The following FGF12 variants were observed in gnomAD, a reference collection of about 807,000 sequenced individuals.
FGF12 encodes the protein fibroblast growth factor 12.
A neutral mutation model predicts 23.6 loss-of-function variants in FGF12; 14 were observed. The observed-to-expected ratio is 0.59, with a 90% confidence interval of 0.39 to 0.93. The LOEUF is 0.93. Among genes scored for constraint, FGF12 ranks in the 40% least tolerant of loss-of-function variants. The pLI, the probability that FGF12 is intolerant of heterozygous loss-of-function variation, is 0.00. For missense variants in FGF12, 175 were observed against 217.8 expected (o/e 0.80, Z 1.24); for synonymous variants, 62 against 77.3 (o/e 0.80, Z 1.04).
chr3:192,335,301 C>T, intron 4 of FGF12, 60 bp downstream of exon 4: 1 of 1,092,924 alleles, frequency 9.1e-7, no homozygotes, highest in Non-Finnish European at 1.4e-6. Flanking sequence ...ATGGTTACTC[C>T]ATTACCTCTC....
chr3:192,400,581 C>G (rs1720720114), intron 2 of FGF12, among the ~76,000 whole-genome samples: 1 of 152,062 alleles, frequency 6.6e-6, no homozygotes, highest in Non-Finnish European at 1.5e-5. Context: ...GTTGGCCAGG[C>G]TGGTCTCGAA....
intron 2 of FGF12, among the ~76,000 whole-genome samples, chr3:192,645,846 T>C (rs1715987414): frequency 7.0e-6 from 1 of 142,206 alleles, no homozygotes; most frequent in Non-Finnish European, 1.5e-5. Context: ...CTTTAGAGCA[T>C]ACAAGCAAAT....
At chr3:192,527,074 G>T (rs1724962258) in intron 2 of FGF12, among the ~76,000 whole-genome samples, 1 of 152,140 alleles carries the variant, frequency 6.6e-6, no homozygotes, top group African/African-American at 2.4e-5. Flanking sequence ...AAATTTGGAG[G>T]TGGGGCCTTT....
intron 2 of FGF12, among the ~76,000 whole-genome samples, chr3:192,365,737 G>C (rs1272337337): frequency 6.6e-6 from 1 of 152,050 alleles, no homozygotes; most frequent in Non-Finnish European, 1.5e-5. Flanking sequence ...TCAGCAGAAC[G>C]TTTGAATTCA....
chr3:192,445,694 C>T lies in FGF12; in HGVS notation c.14-85156G>A, dbSNP rs147473769. On this transcript the variant is annotated intron_variant, in intron 2 of 5. Transcript: ENST00000445105. ...TCAGAATACATGCAGCAGCGTTTTG[C>T]ACGTGGCAAGGTTTAAAGAGTTCAT... is the stretch of plus-strand genomic sequence containing the variant. Among the ~76,000 whole-genome samples, 4 of 152,222 alleles carry T rather than the reference C, an allele frequency of 2.6e-5. No homozygotes were observed. In the East Asian group the frequency reaches 7.7e-4, roughly 29 times the overall value.
chr3:192,395,360 A>T (rs923228629), intron 2 of FGF12, among the ~76,000 whole-genome samples: 4 of 152,248 alleles, frequency 2.6e-5, no homozygotes, highest in African/African-American at 4.8e-5. Context: ...CTAAGTATTT[A>T]TCAAACAACT....
intron 2 of FGF12, among the ~76,000 whole-genome samples, chr3:192,460,616 AC>A (rs1203101129): frequency 2.6e-5 from 4 of 151,772 alleles, no homozygotes; most frequent in Admixed American, 6.6e-5. Context: ...TCACCCCTTT[AC>A]AAAACAAAAA....
chr3:192,302,022 A>G (rs1392325518), intron 4 of FGF12, among the ~76,000 whole-genome samples: 1 of 152,212 alleles, frequency 6.6e-6, no homozygotes, highest in East Asian at 1.9e-4. Context: ...TTTCATTTTA[A>G]TATTTACCAA....
intron 4 of FGF12, among the ~76,000 whole-genome samples, chr3:192,279,673 A>G (rs921408423): frequency 6.6e-6 from 1 of 152,190 alleles, no homozygotes; most frequent in African/African-American, 2.4e-5. Context: ...CCCTAGATCA[A>G]TTTGTGAGGA....
chr3:192,630,396 G>C (rs543500731), intron 2 of FGF12, among the ~76,000 whole-genome samples: 8 of 151,686 alleles, frequency 5.3e-5, no homozygotes, highest in African/African-American at 1.9e-4. Flanking sequence ...TATTAATATA[G>C]AGAAATGCTT....
intron 4 of FGF12, among the ~76,000 whole-genome samples, chr3:192,201,323 A>C (rs1020593402): frequency 2.6e-5 from 4 of 152,266 alleles, no homozygotes; most frequent in Non-Finnish European, 5.9e-5. Flanking sequence ...GAAATGGAAC[A>C]CAACAACTGA....
intron 2 of FGF12, among the ~76,000 whole-genome samples, chr3:192,435,906 TAC>T (rs1252773947): frequency 2.6e-5 from 4 of 152,238 alleles, no homozygotes; most frequent in African/African-American, 9.6e-5. Flanking sequence ...AACCAGCTTT[TAC>T]AATTCCCTGG....
chr3:192,361,424 T>C (rs926363496), intron 2 of FGF12, among the ~76,000 whole-genome samples: 11 of 152,154 alleles, frequency 7.2e-5, no homozygotes, highest in African/African-American at 2.7e-4. Flanking sequence ...TGAAGTATTC[T>C]AGTGCCCTTA....
Position 192,664,599 on chromosome 3 carries a change from AAAATAC to A in FGF12, c.13+62576_13+62581del, listed in dbSNP as rs1312307653. 9.2e-5 allele frequency among the ~76,000 whole-genome samples: 13 copies of A among 141,134 alleles called. 2 individuals carry two copies. The highest frequency in any genetic ancestry group is 2.3e-4 in the South Asian group (1 of 4,362). The allele number at this position is 141,134 out of a possible 152,430, so 92.6% of individuals were successfully genotyped here. A position where few individuals can be genotyped will look rare whatever the true frequency, so the allele number is the denominator to read the frequency against. On this transcript the variant is annotated intron_variant, in intron 2 of 5. Coordinates refer to ENST00000445105, the MANE Select transcript of FGF12 (RefSeq NM_004113.6). ...CCCTGTCTCTACTAAAAATACAAAA[AAAATAC>A]AAAAAAAAAAAAAAGCTGGGCATGG...
intron 2 of FGF12, among the ~76,000 whole-genome samples, chr3:192,363,611 C>A (rs1027212952): frequency 6.6e-6 from 1 of 152,104 alleles, no homozygotes; most frequent in Admixed American, 6.5e-5. Flanking sequence ...AGATGGGGCA[C>A]AGAAAGCTGT....
rs1721800841 is a variant in FGF12, at chr3:192,429,657, C to T, written c.14-69119G>A. The stretch of plus-strand genomic sequence containing the variant: ...AGAAAGCTGGTTAGATATTAATGCA[C>T]TTGTGTTTAAACCACAATGTATGTT... On this transcript the variant is annotated intron_variant, in intron 2 of 5. Coordinates refer to ENST00000445105, the MANE Select transcript of FGF12 (RefSeq NM_004113.6). 2.0e-5 allele frequency among the ~76,000 whole-genome samples: 3 copies of T among 152,128 alleles called. No individual in the cohort carries two copies. In the South Asian group the frequency reaches 6.2e-4, roughly 31 times the overall value.
intron 4 of FGF12, among the ~76,000 whole-genome samples, chr3:192,335,049 G>A (rs1007371565): frequency 6.6e-6 from 1 of 152,016 alleles, no homozygotes; most frequent in Non-Finnish European, 1.5e-5. Context: ...GAGATAACAA[G>A]AGAAAAGAAA....
At chr3:192,234,340 T>C (rs922590305) in intron 4 of FGF12, among the ~76,000 whole-genome samples, 1 of 152,182 alleles carries the variant, frequency 6.6e-6, no homozygotes, top group Non-Finnish European at 1.5e-5. Context: ...AATTCTTGAT[T>C]TGGCTGCCAG....
chr3:192,164,540 C>T lies in FGF12; in HGVS notation c.427+5918G>A, dbSNP rs142195701. 3.3e-5 allele frequency among the ~76,000 whole-genome samples: 5 copies of T among 152,146 alleles called. No individual in the cohort carries two copies. In the East Asian group the frequency reaches 7.7e-4, roughly 24 times the overall value. On this transcript the variant is annotated intron_variant, in intron 5 of 5. Coordinates refer to ENST00000445105, the MANE Select transcript of FGF12 (RefSeq NM_004113.6). ...ACTGGCAGAGCTTAATTTTGGGAAT[C>T]GTGACATTCAAAAGACAACACCAGC...
Sources: allele counts gnomAD v4.1 joint callset (sites outside exome capture counted in the v4.1 genomes callset), GRCh38; gene constraint gnomAD v4.1.1; transcripts MANE v1.5; gene names NCBI Gene and HGNC (gene_info 2026-07-23, HGNC 2026-07-21).